The following BICC1 variants were observed in gnomAD, a reference collection of about 807,000 sequenced individuals.
BICC1 encodes BicC family RNA binding protein 1.
BICC1 carries 43 observed loss-of-function variants against 111.0 expected under a neutral mutation model. The ratio of observed to expected loss-of-function variants is 0.39; its 90% CI spans 0.30 to 0.50. The LOEUF (loss-of-function observed/expected upper bound fraction) is 0.50, where lower values mean the gene tolerates loss of function less well. Ranked by LOEUF, BICC1 falls within the 20% of genes least tolerant of loss-of-function variation. BICC1 has a pLI of 0.88. For missense variants in BICC1, 1,091 were observed against 1,203.2 expected, an observed-to-expected ratio of 0.91 and a Z score of 1.38; for synonymous variants, 467 against 434.4, an observed-to-expected ratio of 1.07 and a Z score of -0.93.
chr10:58,570,961 A>T (rs1190715997), intron 1 of BICC1, among the ~76,000 whole-genome samples: 1 of 152,136 alleles, frequency 6.6e-6, no homozygotes, highest in East Asian at 1.9e-4. Context: ...TTGGGTAGAA[A>T]TGTTTGCTTG....
intron 2 of BICC1, among the ~76,000 whole-genome samples, chr10:58,683,906 A>C (rs1369152163): frequency 6.6e-6 from 1 of 152,134 alleles, no homozygotes; most frequent in Non-Finnish European, 1.5e-5. Context: ...AACTTCCAAC[A>C]CTTTGTTGAA....
intron 4 of BICC1, among the ~76,000 whole-genome samples, chr10:58,785,794 G>A (rs1046716521): frequency 2.0e-5 from 3 of 152,132 alleles, no homozygotes; most frequent in African/African-American, 7.2e-5. Flanking sequence ...CCCTAGAGCC[G>A]GTTAAGTGGA....
intron 2 of BICC1, among the ~76,000 whole-genome samples, chr10:58,664,311 C>A (rs1588990663): frequency 6.6e-6 from 1 of 152,128 alleles, no homozygotes; most frequent in African/African-American, 2.4e-5. Context: ...TCTCTGAGAA[C>A]CAATATCGAG....
chr10:58,798,384 A>G lies in BICC1; in HGVS notation c.1367-15A>G. 6.5e-7 allele frequency: 1 copy of G among 1,536,634 alleles called. No homozygotes were observed. Among genetic ancestry groups the G allele is most frequent in the African/African-American group, 1.4e-5 (1 of 71,040 alleles). On this transcript the variant is annotated splice_polypyrimidine_tract_variant and intron_variant, in intron 10 of 20. Coordinates refer to ENST00000373886, the MANE Select transcript of BICC1 (RefSeq NM_001080512.3). ...AAATTTATGTGAATTGACTTTATAT[A>G]TTCATTTATTACAGGTCTTTTGGGA...
At chr10:58,522,336 A>C (rs1842413681) in intron 1 of BICC1, among the ~76,000 whole-genome samples, 1 of 152,278 alleles carries the variant, frequency 6.6e-6, no homozygotes, top group Non-Finnish European at 1.5e-5. Flanking sequence ...GTAAAAGAAC[A>C]GAAATTATAA....
chr10:58,621,970 A>AGAACAACAGAACAGAACAAC (rs1588940629), intron 2 of BICC1, among the ~76,000 whole-genome samples: 1 of 133,752 alleles, frequency 7.5e-6, no homozygotes, highest in African/African-American at 2.7e-5. Context: ...AGAATAGAAT[A>AGAACAACAGAACAGAACAAC]ATCCAGCCTG....
intron 20 of BICC1, among the ~76,000 whole-genome samples, chr10:58,828,171 C>T (rs1287950101): frequency 6.6e-6 from 1 of 152,068 alleles, no homozygotes; most frequent in Non-Finnish European, 1.5e-5. Flanking sequence ...TACATGGGAG[C>T]AGGAGGGGTT....
intron 3 of BICC1, among the ~76,000 whole-genome samples, chr10:58,713,628 A>C (rs1032688654): frequency 6.6e-6 from 1 of 152,236 alleles, no homozygotes; most frequent in African/African-American, 2.4e-5. Context: ...AAGCAAGCAC[A>C]TAAGTGCTAA....
intron 1 of BICC1, among the ~76,000 whole-genome samples, chr10:58,614,247 AG>A (rs1845529750): frequency 6.6e-6 from 1 of 152,124 alleles, no homozygotes. Flanking sequence ...AAAGTCCTTC[AG>A]GTGACCTGGC....
chr10:58,622,159 G>C (rs1363227815), intron 2 of BICC1, among the ~76,000 whole-genome samples: 1 of 151,912 alleles, frequency 6.6e-6, no homozygotes, highest in African/African-American at 2.4e-5. Flanking sequence ...TCCAGCCTGG[G>C]TGACAGAGTA....
chr10:58,720,698 GC>G (rs1840912035), intron 3 of BICC1, among the ~76,000 whole-genome samples: 1 of 152,222 alleles, frequency 6.6e-6, no homozygotes, highest in South Asian at 2.1e-4. Context: ...ATCGGTGACA[GC>G]CGGTGACCTT....
intron 1 of BICC1, among the ~76,000 whole-genome samples, chr10:58,611,339 T>G (rs2132107069): frequency 6.6e-6 from 1 of 152,340 alleles, no homozygotes; most frequent in African/African-American, 2.4e-5. Flanking sequence ...GTATTTATCC[T>G]TTCAGTCTTT....
At chr10:58,744,781 AG>A (rs1333523156) in intron 3 of BICC1, among the ~76,000 whole-genome samples, 1 of 152,100 alleles carries the variant, frequency 6.6e-6, no homozygotes, top group Non-Finnish European at 1.5e-5. Context: ...CCAGGGTTCA[AG>A]GAAAAGGATG....
chr10:58,739,976 T>C (rs1041994769), intron 3 of BICC1, among the ~76,000 whole-genome samples: 3 of 152,208 alleles, frequency 2.0e-5, no homozygotes, highest in South Asian at 2.1e-4. Context: ...CTTTAGCTTA[T>C]AGAATATATA....
intron 20 of BICC1, among the ~76,000 whole-genome samples, chr10:58,828,212 T>G (rs964506898): frequency 1.4e-4 from 21 of 152,144 alleles, no homozygotes; most frequent in Non-Finnish European, 5.9e-5. Context: ...TATTCAAGGG[T>G]CAGCTGTTCT....
chr10:58,806,643 C>T lies in BICC1; in HGVS notation c.2221+20C>T. On this transcript the variant is annotated intron_variant, in intron 16 of 20. Transcript: ENST00000373886. ...CCAAAGGTATGTAATACACTAATAA[C>T]TTACACTTGACTATATTTTAGTACA... 6.3e-7 allele frequency: 1 copy of T among 1,584,080 alleles called. No homozygotes were observed. Among genetic ancestry groups the T allele is most frequent in the East Asian group, 2.2e-5 (1 of 44,634 alleles).
In BICC1 at chr10:58,521,734, G is replaced by A. The variant is rs535443896; in HGVS notation, c.190+8401G>A. On this transcript the variant is annotated intron_variant, in intron 1 of 20. Transcript: ENST00000373886. The stretch of plus-strand genomic sequence containing the variant: ...GTTTGTGGATCAGTATTTTTTAAAA[G>A]TTGTGGGCATGAAAATCAGCCAGGG... Among the ~76,000 whole-genome samples, 42 of 136,664 alleles carry A rather than the reference G, an allele frequency of 3.1e-4. 2 individuals carry two copies. The highest frequency in any genetic ancestry group is 7.3e-4 in the South Asian group (3 of 4,106). The allele number at this position is 136,664 out of a possible 152,430, so 89.7% of individuals were successfully genotyped here.
chr10:58,681,661 G>A (rs1181743480), intron 2 of BICC1, among the ~76,000 whole-genome samples: 5 of 151,904 alleles, frequency 3.3e-5, no homozygotes, highest in Non-Finnish European at 7.4e-5. Flanking sequence ...GTTCCTTCCG[G>A]TGGGTTCTTG....
At chr10:58,706,033 G>T (rs1345579489) in intron 3 of BICC1, among the ~76,000 whole-genome samples, 1 of 152,122 alleles carries the variant, frequency 6.6e-6, no homozygotes, top group Admixed American at 6.5e-5. Flanking sequence ...TCTGTATCAC[G>T]TAAATTTATT....
Sources: gnomAD v4.1 joint callset for allele counts (sites outside exome capture counted in the v4.1 genomes callset) on GRCh38, gnomAD v4.1.1 for gene constraint, MANE v1.5 for transcripts, NCBI Gene and HGNC (gene_info 2026-07-23, HGNC 2026-07-21) for gene names.